The following SYNPR variants were observed in gnomAD, a reference collection of about 807,000 sequenced individuals.
SYNPR encodes the protein synaptoporin.
Under a neutral mutation model 32.9 loss-of-function variants are expected in SYNPR, and 23 were observed. The observed-to-expected ratio is 0.70, with a 90% CI of 0.50 to 0.99. The LOEUF is 0.99. Ranked by LOEUF, SYNPR falls within the 50% of genes least tolerant of loss-of-function variation. The pLI is 0.00. For synonymous variants in SYNPR, 146 were observed against 135.9 expected (o/e 1.07, Z -0.52); for missense variants, 318 against 349.3 (o/e 0.91, Z 0.71).
intron 2 of SYNPR, among the ~76,000 whole-genome samples, chr3:63,410,036 C>CA (rs34555904): frequency 0.42 from 63,690 of 151,582 alleles, 13,832 homozygotes; most frequent in Middle Eastern, 0.57. Context: ...TGGACAAGAA[C>CA]AAAAAAAACA....
intron 2 of SYNPR, among the ~76,000 whole-genome samples, chr3:63,312,685 C>A (rs1436105917): frequency 6.6e-6 from 1 of 151,984 alleles, no homozygotes. Context: ...TTATGATGAC[C>A]TGTCCATTGT....
intron 3 of SYNPR, among the ~76,000 whole-genome samples, chr3:63,270,197 A>G (rs949159337): frequency 2.0e-5 from 3 of 152,186 alleles, no homozygotes; most frequent in African/African-American, 7.2e-5. Flanking sequence ...TAATAGCATG[A>G]ACAAAGTACT....
chr3:63,569,954 G>A (rs554250475), intron 4 of SYNPR, among the ~76,000 whole-genome samples: 5 of 152,278 alleles, frequency 3.3e-5, no homozygotes, highest in Middle Eastern at 3.4e-3. Flanking sequence ...TGCTGCAGTC[G>A]GCCTTGGGGA....
At chr3:63,571,291 G>T (rs1470181737) in intron 4 of SYNPR, among the ~76,000 whole-genome samples, 4 of 152,164 alleles carry the variant, frequency 2.6e-5, no homozygotes, top group Admixed American at 6.6e-5. Context: ...ATTAAAAATA[G>T]TATACCTGCT....
At chr3:63,545,123 G>T (rs894686898) in intron 3 of SYNPR, among the ~76,000 whole-genome samples, 5 of 151,990 alleles carry the variant, frequency 3.3e-5, no homozygotes, top group African/African-American at 1.2e-4. Context: ...TTCATTGCTG[G>T]GACTGATACT....
chr3:63,253,544 T>C (rs1185560619), intron 2 of SYNPR, among the ~76,000 whole-genome samples: 5 of 152,164 alleles, frequency 3.3e-5, no homozygotes, highest in African/African-American at 9.7e-5. Context: ...ATAAGATTTT[T>C]AAATAAAAGA....
At chr3:63,302,755 C>T (rs2086870412) in intron 2 of SYNPR, among the ~76,000 whole-genome samples, 2 of 151,520 alleles carry the variant, frequency 1.3e-5, no homozygotes, top group South Asian at 4.2e-4. Flanking sequence ...AAATACAAAC[C>T]TAATGGATAA....
intron 3 of SYNPR, among the ~76,000 whole-genome samples, chr3:63,492,166 G>A (rs552424860): frequency 2.6e-5 from 4 of 152,122 alleles, no homozygotes; most frequent in Non-Finnish European, 5.9e-5. Flanking sequence ...TCTCCCACCA[G>A]AGCTTCCTAA....
upstream of SYNPR, among the ~76,000 whole-genome samples, chr3:63,225,176 G>A (rs1226221768): frequency 6.6e-6 from 1 of 152,230 alleles, no homozygotes; most frequent in Non-Finnish European, 1.5e-5. Context: ...CACAGGGAGT[G>A]ACGGAAGCAG....
intron 2 of SYNPR, among the ~76,000 whole-genome samples, chr3:63,306,963 G>C (rs1385746758): frequency 6.6e-6 from 1 of 151,958 alleles, no homozygotes; most frequent in Non-Finnish European, 1.5e-5. Context: ...AGAAGTTTCT[G>C]AGACAATAAG....
At chr3:63,474,259 G>T (rs925821681) in intron 2 of SYNPR, among the ~76,000 whole-genome samples, 7 of 152,186 alleles carry the variant, frequency 4.6e-5, no homozygotes, top group Non-Finnish European at 7.3e-5. Context: ...CGTCTACCTT[G>T]CTCCAGTCTC....
At chr3:63,547,180 T>C (rs1345243609) in intron 3 of SYNPR, among the ~76,000 whole-genome samples, 2 of 152,190 alleles carry the variant, frequency 1.3e-5, no homozygotes, top group Non-Finnish European at 2.9e-5. Flanking sequence ...TTTTTCTCAA[T>C]AAAGATATCT....
chr3:63,553,332 A>T (rs140700429), intron 3 of SYNPR, among the ~76,000 whole-genome samples: 3 of 152,270 alleles, frequency 2.0e-5, no homozygotes, highest in African/African-American at 7.2e-5. Context: ...TCTCTATGTA[A>T]TCAACCATTG....
intron 2 of SYNPR, among the ~76,000 whole-genome samples, chr3:63,295,348 A>T (rs2086783737): frequency 6.6e-6 from 1 of 152,206 alleles, no homozygotes; most frequent in Admixed American, 6.5e-5. Flanking sequence ...TTCAGGCAAG[A>T]AATCTGAGGC....
chr3:63,452,673 A>T, intron 2 of SYNPR, among the ~76,000 whole-genome samples: 1 of 132,228 alleles, frequency 7.6e-6, no homozygotes, highest in East Asian at 1.9e-4. Context: ...TATTTTAAGA[A>T]TGGGGAAAAT....
At chr3:63,442,465 G>A (rs776789805) in intron 2 of SYNPR, among the ~76,000 whole-genome samples, 4 of 152,140 alleles carry the variant, frequency 2.6e-5, no homozygotes, top group Non-Finnish European at 5.9e-5. Context: ...CATTGTCCAC[G>A]ATGCCAGTGT....
intron 2 of SYNPR, among the ~76,000 whole-genome samples, chr3:63,313,087 C>T (rs12496528): frequency 0.44 from 66,508 of 151,768 alleles, 14,787 homozygotes; most frequent in Middle Eastern, 0.52. Context: ...TTCAATCACT[C>T]ATCTAATAAT....
intron 2 of SYNPR, among the ~76,000 whole-genome samples, chr3:63,424,992 A>G (rs1269168316): frequency 1.3e-5 from 2 of 152,170 alleles, no homozygotes; most frequent in Non-Finnish European, 2.9e-5. Flanking sequence ...TATGTGCCCA[A>G]TCCCAATCAC....
chr3:63,593,207 A>G (rs1171387481), intron 4 of SYNPR, among the ~76,000 whole-genome samples: 1 of 152,162 alleles, frequency 6.6e-6, no homozygotes, highest in Non-Finnish European at 1.5e-5. Context: ...TACTAATATT[A>G]TTAATTTATT....
Sources: gnomAD v4.1 joint callset for allele counts (sites outside exome capture counted in the v4.1 genomes callset) on GRCh38, gnomAD v4.1.1 for gene constraint, MANE v1.5 for transcripts, NCBI Gene and HGNC (gene_info 2026-07-23, HGNC 2026-07-21) for gene names.